The following CDKAL1 variants were observed in gnomAD, a reference collection of about 807,000 sequenced individuals.
CDKAL1 encodes threonylcarbamoyladenosine tRNA methylthiotransferase.
A neutral mutation model predicts 68.2 loss-of-function variants in CDKAL1; 32 were observed. That is an observed-to-expected ratio of 0.47 (90% confidence interval 0.35 to 0.63). The LOEUF is 0.63. CDKAL1 is among the 30% of genes least tolerant of loss of function. The probability of loss-of-function intolerance (pLI) is 0.00; values close to 1 mark genes in which losing one functional copy is unlikely to be tolerated. For missense variants in CDKAL1, 606 were observed against 696.7 expected (o/e 0.87, Z 1.47); for synonymous variants, 234 against 244.3 (o/e 0.96, Z 0.39).
intron 10 of CDKAL1, among the ~76,000 whole-genome samples, chr6:20,965,950 A>G (rs971527900): frequency 1.3e-5 from 2 of 152,246 alleles, no homozygotes; most frequent in East Asian, 1.9e-4. Context: ...TTTCTATTCT[A>G]CGATCCTCTC....
intron 5 of CDKAL1, among the ~76,000 whole-genome samples, chr6:20,674,137 A>T (rs1382929233): frequency 6.6e-6 from 1 of 151,804 alleles, no homozygotes; most frequent in Non-Finnish European, 1.5e-5. Flanking sequence ...TTTATCATTC[A>T]TTTTTTTCTA....
chr6:20,632,091 T>A (rs62397572), intron 4 of CDKAL1, among the ~76,000 whole-genome samples: 5,687 of 152,322 alleles, frequency 0.037, 123 homozygotes, highest in Middle Eastern at 0.071. Flanking sequence ...AGGATGGGGT[T>A]ACATCCTGGC....
intron 2 of CDKAL1, among the ~76,000 whole-genome samples, chr6:20,541,262 C>T (rs1763376927): frequency 6.6e-6 from 1 of 152,164 alleles, no homozygotes; most frequent in African/African-American, 2.4e-5. Context: ...AGAATACCCA[C>T]CTCAAACTGA....
chr6:21,018,266 GA>G (rs1768449698), intron 11 of CDKAL1, among the ~76,000 whole-genome samples: 1 of 152,134 alleles, frequency 6.6e-6, no homozygotes. Flanking sequence ...TATTTTTCCA[GA>G]AATAATATCA....
chr6:20,614,856 G>A (rs1766813404), intron 4 of CDKAL1, among the ~76,000 whole-genome samples: 1 of 151,420 alleles, frequency 6.6e-6, no homozygotes. Context: ...GTATACATGT[G>A]CCATGCTGAT....
chr6:20,939,331 G>T (rs1285941840), intron 9 of CDKAL1, among the ~76,000 whole-genome samples: 1 of 152,130 alleles, frequency 6.6e-6, no homozygotes, highest in African/African-American at 2.4e-5. Context: ...GAATGAAAGA[G>T]AACCTTTCTA....
chr6:21,041,932 T>C (rs886684915), intron 11 of CDKAL1, among the ~76,000 whole-genome samples: 5 of 152,194 alleles, frequency 3.3e-5, no homozygotes, highest in African/African-American at 1.2e-4. Context: ...AGATTCTGTT[T>C]TCAAATCTTT....
chr6:20,900,116 G>A (rs545745846), intron 9 of CDKAL1, among the ~76,000 whole-genome samples: 67 of 152,018 alleles, frequency 4.4e-4, no homozygotes, highest in African/African-American at 5.8e-4. Context: ...CTTTTTACCC[G>A]TAATAACTTT....
rs559026885 is a variant in CDKAL1, at chr6:21,131,656, A to G, written c.1299+23193A>G. ...AGACAGCTGTCATTTAACATTCCTA[A>G]CACTAGAAAAAAACCATAAAGCTAG... On this transcript the variant is annotated intron_variant, in intron 13 of 15. Transcript: ENST00000274695. Among the ~76,000 whole-genome samples, 21 of 152,262 alleles carry G rather than the reference A, an allele frequency of 1.4e-4. No individual in the cohort carries two copies. In the East Asian group the frequency reaches 4.1e-3, roughly 29 times the overall value.
chr6:20,980,104 A>G (rs748535970), intron 10 of CDKAL1, among the ~76,000 whole-genome samples: 7 of 152,008 alleles, frequency 4.6e-5, no homozygotes, highest in Admixed American at 2.0e-4. Flanking sequence ...AAAGTCTTCT[A>G]TTGATCATTG....
intron 11 of CDKAL1, among the ~76,000 whole-genome samples, chr6:21,052,950 C>CAAA (rs1770623109): frequency 6.6e-6 from 1 of 152,106 alleles, no homozygotes; most frequent in Admixed American, 6.5e-5. Flanking sequence ...TATCTGTCTT[C>CAAA]AGAAAGGTAT....
intron 8 of CDKAL1, among the ~76,000 whole-genome samples, chr6:20,838,492 A>G (rs891151356): frequency 6.6e-6 from 1 of 152,212 alleles, no homozygotes; most frequent in African/African-American, 2.4e-5. Flanking sequence ...AAAACTAAAA[A>G]TAACAACGAA....
At chr6:20,853,390 A>C (rs1324184877) in intron 9 of CDKAL1, among the ~76,000 whole-genome samples, 1,886 of 12,308 alleles carry the variant, frequency 0.15, 41 homozygotes, top group African/African-American at 0.3. Context: ...AAAAAACAAA[A>C]CAAAAAAAAA....
intron 7 of CDKAL1, among the ~76,000 whole-genome samples, chr6:20,769,604 C>T (rs1469651428): frequency 6.6e-6 from 1 of 152,046 alleles, no homozygotes; most frequent in Non-Finnish European, 1.5e-5. Context: ...TCCTAGCCCT[C>T]CAGAGCTTTT....
intron 6 of CDKAL1, chr6:20,756,692 A>G (rs1233139422): frequency 6.6e-6 from 1 of 152,204 alleles, no homozygotes; most frequent in Admixed American, 6.5e-5. Flanking sequence ...TGCTGCCATC[A>G]TGTTGGGCTG....
At chr6:20,740,508 G>A (rs916953765) in intron 6 of CDKAL1, among the ~76,000 whole-genome samples, 5 of 152,132 alleles carry the variant, frequency 3.3e-5, no homozygotes, top group Non-Finnish European at 1.5e-5. Flanking sequence ...TACTGAAGCT[G>A]TAGGTGATAA....
chr6:20,610,356 C>T (rs1766564134), intron 4 of CDKAL1, among the ~76,000 whole-genome samples: 1 of 152,186 alleles, frequency 6.6e-6, no homozygotes, highest in Non-Finnish European at 1.5e-5. Context: ...AATCGCCATA[C>T]AGTATTCCAT....
At chr6:20,774,640 A>G (rs1364706256) in intron 7 of CDKAL1, among the ~76,000 whole-genome samples, 1 of 152,234 alleles carries the variant, frequency 6.6e-6, no homozygotes. Flanking sequence ...CAATTACTGT[A>G]CAAATAATAT....
chr6:21,036,920 A>C lies in CDKAL1; in HGVS notation c.1056-28128A>C, dbSNP rs1399684066. Among the ~76,000 whole-genome samples the C allele has an allele frequency of 5.3e-5, 8 of 152,348 alleles. 2 individuals carry two copies. Among genetic ancestry groups the C allele is most frequent in the African/African-American group, 1.9e-4 (8 of 41,586 alleles). On this transcript the variant is annotated intron_variant, in intron 11 of 15. Transcript: ENST00000274695. Reference sequence around the variant, plus strand: ...GTGTTGGTCCTGATGTCTTCAACTAAGTAAGTATAGAACATTGAGAAGGGA... The same window carrying C: ...GTGTTGGTCCTGATGTCTTCAACTACGTAAGTATAGAACATTGAGAAGGGA...
Sources: gnomAD v4.1 joint callset for allele counts (sites outside exome capture counted in the v4.1 genomes callset) on GRCh38, gnomAD v4.1.1 for gene constraint, MANE v1.5 for transcripts, NCBI Gene and HGNC (gene_info 2026-07-23, HGNC 2026-07-21) for gene names.